ASB18: variants seen among roughly 807,000 people sequenced by gnomAD.
The protein encoded by ASB18 is ankyrin repeat and SOCS box protein 18.
Under a neutral mutation model 33.4 loss-of-function variants are expected in ASB18, and 33 were observed. The observed-to-expected ratio is 0.99, with a 90% CI of 0.75 to 1.32. The LOEUF (loss-of-function observed/expected upper bound fraction) is 1.32. Ranked by LOEUF, ASB18 falls within the 40% of genes most tolerant of loss-of-function variation. The pLI, the probability that ASB18 is intolerant of heterozygous loss-of-function variation, is 0.00. For synonymous variants in ASB18, 295 were observed against 307.6 expected, an observed-to-expected ratio of 0.96 and a Z score of 0.43; for missense variants, 694 against 655.5, an observed-to-expected ratio of 1.06 and a Z score of -0.64.
rs1430089417 is a variant in ASB18 at position 236,220,937 on chromosome 2, C to T, written c.597-6071G>A. ...CCTGGACAGACTCACCGACAGGACACTGAAGGCAGGGCAAGGCGACCCATG... is the reference window on the plus strand; with the variant it reads ...CCTGGACAGACTCACCGACAGGACATTGAAGGCAGGGCAAGGCGACCCATG... On this transcript the variant is annotated intron_variant, in intron 3 of 5. Coordinates refer to ENST00000409749, the MANE Select transcript of ASB18 (RefSeq NM_212556.4). This position sits in a 1 kb window ranked among gnomAD's most constrained non-coding sequence, Gnocchi z 5.1. Among the ~76,000 whole-genome samples the T allele has an allele frequency of 1.3e-5, 2 of 152,200 alleles. No individual in the cohort carries two copies. The highest frequency in any genetic ancestry group is 2.4e-5 in the African/African-American group (1 of 41,444).
Position 236,237,653 on chromosome 2 carries a change from G to A in ASB18, c.596+36C>T. ...GGAGGCGGGCGTCTGGTCTCGGGGCGGGGCGGACGCCGCGGGCCTGTCCCG... is the reference window on the plus strand; with the variant it reads ...GGAGGCGGGCGTCTGGTCTCGGGGCAGGGCGGACGCCGCGGGCCTGTCCCG... On this transcript the variant is annotated intron_variant, in intron 3 of 5. Coordinates refer to ENST00000409749, the MANE Select transcript of ASB18 (RefSeq NM_212556.4). The surrounding 1 kb of genome is among the most constrained non-coding windows in gnomAD (Gnocchi z 6.2). 1 of 1,363,856 alleles carries A rather than the reference G, an allele frequency of 7.3e-7. No homozygotes were observed. The highest frequency in any genetic ancestry group is 1.7e-5 in the South Asian group (1 of 60,168). The allele number at this position is 1,363,856 out of a possible 1,614,324, so 84.5% of individuals were successfully genotyped here.
At position 236,231,952 on chromosome 2, in the gene ASB18, T is replaced by C. The variant is rs2060568049; in HGVS notation, c.596+5737A>G. On this transcript the variant is annotated intron_variant, in intron 3 of 5. Transcript: ENST00000409749. This position sits in a 1 kb window ranked among gnomAD's most constrained non-coding sequence, Gnocchi z 5.5. Reference sequence around the variant, plus strand: ...TTCTTTCAATAACTTGTAAAACAAGTCCAATGAAAATCAGCAAGGATATAG... The same window carrying C: ...TTCTTTCAATAACTTGTAAAACAAGCCCAATGAAAATCAGCAAGGATATAG... 6.6e-6 allele frequency among the ~76,000 whole-genome samples: 1 copy of C among 152,076 alleles called. No homozygotes were observed. Among genetic ancestry groups the C allele is most frequent in the Admixed American group, 6.6e-5 (1 of 15,262 alleles).
Position 236,239,763 on chromosome 2 carries a change from G to A in ASB18, c.328+1517C>T, listed in dbSNP as rs964975322. 5.3e-5 allele frequency among the ~76,000 whole-genome samples: 8 copies of A among 152,204 alleles called. No homozygotes were observed. In the East Asian group the frequency reaches 1.2e-3, roughly 22 times the overall value. On this transcript the variant is annotated intron_variant, in intron 2 of 5. Transcript: ENST00000409749. The surrounding 1 kb of genome is among the most constrained non-coding windows in gnomAD (Gnocchi z 5.6). ...ACCAGGGGAGCTGGAATTGGCCACC[G>A]GGAAGTCTTTTCATGGGAGAGCACA...
intron 3 of ASB18, among the ~76,000 whole-genome samples, chr2:236,230,535 G>T (rs749169380): frequency 8.6e-5 from 13 of 151,716 alleles, no homozygotes; most frequent in African/African-American, 1.7e-4. Context: ...TGTATTGCAG[G>T]ACTTTTGTAT....
Position 236,196,069 on chromosome 2 carries a change from C to T in ASB18, c.1215+203G>A, listed in dbSNP as rs1434178897. On this transcript the variant is annotated intron_variant, in intron 5 of 5. Coordinates refer to ENST00000409749, the MANE Select transcript of ASB18 (RefSeq NM_212556.4). The surrounding 1 kb of genome is among the most constrained non-coding windows in gnomAD (Gnocchi z 5.6). ...TGAGCTCCTTGAGGCCATGGCACCG[C>T]AACTACTATAACAAGCTCCTGGCTG... 2 of 599,028 alleles carry T rather than the reference C, an allele frequency of 3.3e-6. No homozygotes were observed. The highest frequency in any genetic ancestry group is 3.7e-5 in the African/African-American group (2 of 53,540). The allele number at this position is 599,028 out of a possible 1,614,324, so 37.1% of individuals were successfully genotyped here.
At chr2:236,258,709 C>T (rs1425353094) in intron 1 of ASB18, among the ~76,000 whole-genome samples, 4 of 152,272 alleles carry the variant, frequency 2.6e-5, no homozygotes, top group East Asian at 1.9e-4. Flanking sequence ...AAATGGACCC[C>T]ATTTTCACAT....
Position 236,194,962 on chromosome 2 carries a change from G to C in ASB18, c.1311C>G (p.Gly437=), listed in dbSNP as rs761788393. ...LCRCALRRLF[G]KRCFDLIPLL... ...GGGGGATGAGGTCAAAGCACCTTTT[G>C]CCAAACAGTCTGCGAAGAGCACAGC... The change falls in exon 6 of 6, where the codon GGC becomes GGG. Residue 437 remains glycine (G), a synonymous_variant. Transcript: ENST00000409749. This position sits in a 1 kb window ranked among gnomAD's most constrained non-coding sequence, Gnocchi z 4.5. The C allele has an allele frequency of 1.1e-5, 17 of 1,613,836 alleles. 1 individual carries two copies. The South Asian group carries it at 1.9e-4, about 18-fold the overall frequency.
rs1384197408 is a variant in ASB18, at chr2:236,257,641, T to C, written c.205+6500A>G. Among the ~76,000 whole-genome samples the C allele has an allele frequency of 6.6e-6, 1 of 152,136 alleles. No homozygotes were observed. Among genetic ancestry groups the C allele is most frequent in the Non-Finnish European group, 1.5e-5 (1 of 68,026 alleles). Reference sequence around the variant, plus strand: ...TTTTTTCAGGGACGTTCCTGCAAAATGTCTCTGGGTGGGTAGGCAGCAAGA... The same window carrying C: ...TTTTTTCAGGGACGTTCCTGCAAAACGTCTCTGGGTGGGTAGGCAGCAAGA... On this transcript the variant is annotated intron_variant, in intron 1 of 5. Transcript: ENST00000409749. The surrounding 1 kb of genome is among the most constrained non-coding windows in gnomAD (Gnocchi z 5.5).
At position 236,229,657 on chromosome 2, in the gene ASB18, C is replaced by G. The variant is rs1212877893; in HGVS notation, c.596+8032G>C. Reference sequence around the variant, plus strand: ...AGGGGTTCAAGACTAACCTGGCCAACATGGTGAAATCCTGGCTCTACTAAA... The same window carrying G: ...AGGGGTTCAAGACTAACCTGGCCAAGATGGTGAAATCCTGGCTCTACTAAA... On this transcript the variant is annotated intron_variant, in intron 3 of 5. Transcript: ENST00000409749. This position sits in a 1 kb window ranked among gnomAD's most constrained non-coding sequence, Gnocchi z 5.2. Among the ~76,000 whole-genome samples, 5 of 152,072 alleles carry G rather than the reference C, an allele frequency of 3.3e-5. No individual in the cohort carries two copies. Among genetic ancestry groups the G allele is most frequent in the Non-Finnish European group, 7.4e-5 (5 of 68,012 alleles).
At chr2:236,232,838 GAATTCTACC>G (rs1338879245) in intron 3 of ASB18, among the ~76,000 whole-genome samples, 1 of 152,030 alleles carries the variant, frequency 6.6e-6, no homozygotes, top group Non-Finnish European at 1.5e-5. Flanking sequence ...CTTTACTGAT[GAATTCTACC>G]AAACATTTAA....
In ASB18 at chr2:236,214,833, C is replaced by G; in HGVS notation, c.630G>C (p.Ser210=). ...CAQALLEHGA[S]VQRVGGTGRD... ...GGCCCGTGCCGCCCACGCGCTGCACCGAGGCCCCGTGCTCCAGCAGCGCCT... is the reference window on the plus strand; with the variant it reads ...GGCCCGTGCCGCCCACGCGCTGCACGGAGGCCCCGTGCTCCAGCAGCGCCT... Residue 210 remains serine (S), a synonymous_variant, in exon 4 of 6, where the codon TCG becomes TCC. Transcript: ENST00000409749. The surrounding 1 kb of genome is among the most constrained non-coding windows in gnomAD (Gnocchi z 6.5). The G allele has an allele frequency of 1.6e-6, 2 of 1,213,408 alleles. No homozygotes were observed. 75.2% of individuals were successfully genotyped at this position (1,213,408 alleles called of 1,614,324 possible).
chr2:236,214,863 G>A lies in ASB18; in HGVS notation c.600C>T (p.Cys200=), dbSNP rs1159422890. The A allele has an allele frequency of 6.6e-6, 8 of 1,210,032 alleles. No homozygotes were observed. Among genetic ancestry groups the A allele is most frequent in the Non-Finnish European group, 8.2e-6 (8 of 973,768 alleles). The allele number at this position is 1,210,032 out of a possible 1,614,324, so 75.0% of individuals were successfully genotyped here. A position where few individuals can be genotyped will look rare whatever the true frequency, so the allele number is the denominator to read the frequency against. The change falls in exon 4 of 6, where the codon TGC becomes TGT. Residue 200 remains cysteine, a synonymous_variant. Transcript: ENST00000409749. The surrounding 1 kb of genome is among the most constrained non-coding windows in gnomAD (Gnocchi z 6.5). Reference sequence around the variant, plus strand: ...CCCCGTGCTCCAGCAGCGCCTGCGCGCACCTGTGGGAAGCCAGGGCCTGTC... The same window carrying A: ...CCCCGTGCTCCAGCAGCGCCTGCGCACACCTGTGGGAAGCCAGGGCCTGTC... ...HLCRTAASLG[C]AQALLEHGAS...
rs1376796489 is a variant in ASB18, at chr2:236,245,594, C to T, written c.206-4192G>A. Among the ~76,000 whole-genome samples the T allele has an allele frequency of 6.6e-6, 1 of 152,186 alleles. No homozygotes were observed. The highest frequency in any genetic ancestry group is 1.9e-4 in the East Asian group (1 of 5,182). ...TCCTTGCCTGGCCAGCCTCGCTCAT[C>T]CTCCAACACAGCTTAGCCTCCCTTG... On this transcript the variant is annotated intron_variant, in intron 1 of 5. Transcript: ENST00000409749. This position sits in a 1 kb window ranked among gnomAD's most constrained non-coding sequence, Gnocchi z 4.7.
rs2060696244 is a variant in ASB18 at position 236,257,155 on chromosome 2, A to G, written c.205+6986T>C. 6.6e-6 allele frequency among the ~76,000 whole-genome samples: 1 copy of G among 152,248 alleles called. No homozygotes were observed. The highest frequency in any genetic ancestry group is 2.1e-4 in the South Asian group (1 of 4,828). On this transcript the variant is annotated intron_variant, in intron 1 of 5. Coordinates refer to ENST00000409749, the MANE Select transcript of ASB18 (RefSeq NM_212556.4). The surrounding 1 kb of genome is among the most constrained non-coding windows in gnomAD (Gnocchi z 5.5). ...TAGCAAGAATTTTGCAATCAGCGTT[A>G]ATTAAGAAGATGGGACAATAATTTG...
rs772345751 is a variant in ASB18 at position 236,244,960 on chromosome 2, G to A, written c.206-3558C>T. Among the ~76,000 whole-genome samples the A allele has an allele frequency of 2.0e-5, 3 of 152,150 alleles. No individual in the cohort carries two copies. The highest frequency in any genetic ancestry group is 4.4e-5 in the Non-Finnish European group (3 of 68,024). ...TAAAACCCACCTCTCTTCTACAGAG[G>A]AGGGCTGCAGTGGTGCTGGGTGGGG... is the stretch of plus-strand genomic sequence containing the variant. On this transcript the variant is annotated intron_variant, in intron 1 of 5. Coordinates refer to ENST00000409749, the MANE Select transcript of ASB18 (RefSeq NM_212556.4). This position sits in a 1 kb window ranked among gnomAD's most constrained non-coding sequence, Gnocchi z 6.1.
chr2:236,240,359 A>G (rs1016466586), intron 2 of ASB18, among the ~76,000 whole-genome samples: 3 of 152,194 alleles, frequency 2.0e-5, no homozygotes, highest in Non-Finnish European at 4.4e-5. Flanking sequence ...TGAGGTATAA[A>G]CAGAACTGTG....
At chr2:236,261,301 C>T (rs867945772) in intron 1 of ASB18, among the ~76,000 whole-genome samples, 3 of 152,178 alleles carry the variant, frequency 2.0e-5, no homozygotes, top group Non-Finnish European at 2.9e-5. Flanking sequence ...TTGTGTCTTC[C>T]TTTGCATTGG....
At chr2:236,233,721 G>C (rs1306699814) in intron 3 of ASB18, among the ~76,000 whole-genome samples, 2 of 152,124 alleles carry the variant, frequency 1.3e-5, no homozygotes, top group Admixed American at 6.5e-5. Flanking sequence ...TGCAAACCTT[G>C]TTCCCTAAAA....
chr2:236,217,424 A>AAAAAAT lies in ASB18; in HGVS notation c.597-2559_597-2558insATTTTT, dbSNP rs1553600511. Among the ~76,000 whole-genome samples, 9,545 of 150,296 alleles carry AAAAAAT rather than the reference A, an allele frequency of 0.064. 413 individuals are homozygous for AAAAAAT. The highest frequency in any genetic ancestry group is 0.1 in the African/African-American group (4,137 of 40,468). ...CGAGACTCTGTCTCAAAAAAAAAAA[A>AAAAAAT]AAATAAATCTTGGCACCTTCAACTC... On this transcript the variant is annotated intron_variant, in intron 3 of 5. Transcript: ENST00000409749. The surrounding 1 kb of genome is among the most constrained non-coding windows in gnomAD (Gnocchi z 5.2).
Sources: allele counts gnomAD v4.1 joint callset (sites outside exome capture counted in the v4.1 genomes callset), GRCh38; gene constraint gnomAD v4.1.1; non-coding constraint Gnocchi (gnomAD v3.1); transcripts MANE v1.5; gene names NCBI Gene and HGNC (gene_info 2026-07-23, HGNC 2026-07-21).